The following DCDC2 variants were observed in gnomAD, a reference collection of about 807,000 sequenced individuals.
The protein encoded by DCDC2 is doublecortin domain containing 2.
Under a neutral mutation model 50.2 loss-of-function variants are expected in DCDC2, and 40 were observed. The ratio of observed to expected loss-of-function variants is 0.80; its 90% CI spans 0.62 to 1.04. DCDC2 has a LOEUF of 1.04. Ranked by LOEUF, DCDC2 falls within the 50% of genes least tolerant of loss-of-function variation. The probability of loss-of-function intolerance (pLI) is 0.00; values close to 1 mark genes in which losing one functional copy is unlikely to be tolerated. For missense variants in DCDC2, 570 were observed against 581.9 expected (o/e 0.98, Z 0.21); for synonymous variants, 234 against 210.6 (o/e 1.11, Z -0.96).
intron 7 of DCDC2, among the ~76,000 whole-genome samples, chr6:24,222,345 T>G (rs566839951): frequency 6.6e-6 from 1 of 152,372 alleles, no homozygotes; most frequent in Admixed American, 6.5e-5. Context: ...TGTGAGCTTT[T>G]CTTTAAAAAC....
intron 7 of DCDC2, among the ~76,000 whole-genome samples, chr6:24,212,230 CA>C (rs1367460846): frequency 6.6e-6 from 1 of 152,146 alleles, no homozygotes; most frequent in Non-Finnish European, 1.5e-5. Context: ...CTGCCTTCCA[CA>C]AAACTGGTCC....
chr6:24,258,312 G>A (rs958445908), intron 7 of DCDC2, among the ~76,000 whole-genome samples: 1 of 152,044 alleles, frequency 6.6e-6, no homozygotes, highest in Non-Finnish European at 1.5e-5. Flanking sequence ...ATTTGTCCCC[G>A]CCCACATCCT....
At chr6:24,294,220 A>T (rs1201610498) in intron 4 of DCDC2, among the ~76,000 whole-genome samples, 1 of 152,074 alleles carries the variant, frequency 6.6e-6, no homozygotes, top group Non-Finnish European at 1.5e-5. Context: ...TTAGCTGGGT[A>T]TGGTGGCACA....
Position 24,321,994 on chromosome 6 carries a change from A to T in DCDC2, c.349-19950T>A, listed in dbSNP as rs570334749. ...CTACTTGGCTATCTAAAAGGGTAAGATTTCTTTTTGTCTTTGCAATCGTTT... is the reference window on the plus strand; with the variant it reads ...CTACTTGGCTATCTAAAAGGGTAAGTTTTCTTTTTGTCTTTGCAATCGTTT... On this transcript the variant is annotated intron_variant, in intron 2 of 9. Coordinates refer to ENST00000378454, the MANE Select transcript of DCDC2 (RefSeq NM_016356.5). Among the ~76,000 whole-genome samples the T allele has an allele frequency of 2.0e-5, 3 of 152,136 alleles. No homozygotes were observed. In the South Asian group the frequency reaches 6.2e-4, roughly 32 times the overall value.
intron 6 of DCDC2, among the ~76,000 whole-genome samples, chr6:24,281,032 C>T (rs28921369): frequency 0.12 from 18,235 of 151,922 alleles, 1,105 homozygotes; most frequent in East Asian, 0.17. Context: ...CAAAGGGGCA[C>T]GACAAGGGAG....
At chr6:24,234,857 A>G (rs2113786157) in intron 7 of DCDC2, among the ~76,000 whole-genome samples, 1 of 152,314 alleles carries the variant, frequency 6.6e-6, no homozygotes, top group Middle Eastern at 3.4e-3. Flanking sequence ...TTATTTCAAT[A>G]AGCTTATAAA....
At chr6:24,305,265 T>C (rs1029955308) in intron 2 of DCDC2, among the ~76,000 whole-genome samples, 14 of 152,198 alleles carry the variant, frequency 9.2e-5, no homozygotes, top group African/African-American at 2.9e-4. Context: ...GTTTTCCTCA[T>C]TCGGCATGGC....
chr6:24,382,202 A>G, the DCDC2 span, among the ~76,000 whole-genome samples: 1 of 152,086 alleles, frequency 6.6e-6, no homozygotes, highest in African/African-American at 2.4e-5. Context: ...AGACCCTCTA[A>G]GATTAGGAGT....
chr6:24,367,499 G>A, the DCDC2 span, among the ~76,000 whole-genome samples: 1 of 152,260 alleles, frequency 6.6e-6, no homozygotes, highest in Non-Finnish European at 1.5e-5. Context: ...AAAGGCCGAG[G>A]TGGGAGGAAG....
At position 24,314,434 on chromosome 6, in the gene DCDC2, C is replaced by T. The variant is rs576954975; in HGVS notation, c.349-12390G>A. On this transcript the variant is annotated intron_variant, in intron 2 of 9. Transcript: ENST00000378454. ...GTTGAAATGAGCTATGATCATGCTA[C>T]TCTATATATTCCAGTCTGGGCAACA... is the stretch of plus-strand genomic sequence containing the variant. 9.9e-5 allele frequency among the ~76,000 whole-genome samples: 15 copies of T among 152,056 alleles called. No homozygotes were observed. In the East Asian group the frequency reaches 2.1e-3, roughly 22 times the overall value.
At chr6:24,376,306 A>AG in the DCDC2 span, among the ~76,000 whole-genome samples, 1 of 152,136 alleles carries the variant, frequency 6.6e-6, no homozygotes, top group African/African-American at 2.4e-5. Context: ...TGGAAGAGGG[A>AG]GGGGGAGGTG....
At chr6:24,377,546 T>C in the DCDC2 span, among the ~76,000 whole-genome samples, 24 of 152,346 alleles carry the variant, frequency 1.6e-4, no homozygotes, top group African/African-American at 5.1e-4. Flanking sequence ...AAAGACTGGT[T>C]GTGTTGTTTT....
chr6:24,347,808 C>G (rs968604509), intron 2 of DCDC2, among the ~76,000 whole-genome samples: 3 of 152,122 alleles, frequency 2.0e-5, no homozygotes, highest in Non-Finnish European at 4.4e-5. Flanking sequence ...ACTAATTTTA[C>G]CCCTGAAACA....
intron 2 of DCDC2, among the ~76,000 whole-genome samples, chr6:24,335,827 A>G (rs1366729442): frequency 6.6e-6 from 1 of 152,134 alleles, no homozygotes; most frequent in Non-Finnish European, 1.5e-5. Flanking sequence ...ATTCACTATG[A>G]GTAGAACAGC....
intron 7 of DCDC2, among the ~76,000 whole-genome samples, chr6:24,217,877 T>C (rs1399106617): frequency 1.3e-5 from 2 of 152,206 alleles, no homozygotes; most frequent in Non-Finnish European, 2.9e-5. Context: ...TATAATGTAC[T>C]CAGTTTAGCA....
At chr6:24,287,940 TAA>T (rs1346472453) in intron 6 of DCDC2, among the ~76,000 whole-genome samples, 1 of 152,234 alleles carries the variant, frequency 6.6e-6, no homozygotes, top group Non-Finnish European at 1.5e-5. Flanking sequence ...CATAATAGTA[TAA>T]GAGTCTCAGC....
intron 7 of DCDC2, among the ~76,000 whole-genome samples, chr6:24,265,954 G>GA (rs746826047): frequency 6.1e-5 from 9 of 148,578 alleles, no homozygotes; most frequent in South Asian, 4.3e-4. Flanking sequence ...ATAAATAGTG[G>GA]AAAAAAAAAT....
chr6:24,247,753 CTA>C (rs1232398681), intron 7 of DCDC2, among the ~76,000 whole-genome samples: 1 of 152,122 alleles, frequency 6.6e-6, no homozygotes, highest in Non-Finnish European at 1.5e-5. Flanking sequence ...TATTTTGAAA[CTA>C]TGTTTCTTCA....
intron 8 of DCDC2, among the ~76,000 whole-genome samples, chr6:24,178,977 A>G (rs1438055292): frequency 1.3e-5 from 2 of 152,160 alleles, no homozygotes; most frequent in Non-Finnish European, 2.9e-5. Context: ...CCCATGGCAG[A>G]TAGAAAGCCA....
Sources: gnomAD v4.1 joint callset for allele counts (sites outside exome capture counted in the v4.1 genomes callset) on GRCh38, gnomAD v4.1.1 for gene constraint, MANE v1.5 for transcripts, NCBI Gene and HGNC (gene_info 2026-07-23, HGNC 2026-07-21) for gene names.